EXT1: variants seen among roughly 807,000 people sequenced by gnomAD.
EXT1 encodes the protein exostosin-1.
Under a neutral mutation model 82.5 loss-of-function variants are expected in EXT1, and 20 were observed. The ratio of observed to expected loss-of-function variants is 0.24; its 90% CI spans 0.17 to 0.35. The LOEUF is 0.35. Among genes scored for constraint, EXT1 ranks in the 10% least tolerant of loss-of-function variants. The pLI, the probability that EXT1 is intolerant of heterozygous loss-of-function variation, is 1.00. For synonymous variants in EXT1, 348 were observed against 350.8 expected (o/e 0.99, Z 0.09); for missense variants, 757 against 936.5 (o/e 0.81, Z 2.50).
At chr8:118,030,619 T>A (rs1036522470) in intron 1 of EXT1, among the ~76,000 whole-genome samples, 2 of 152,154 alleles carry the variant, frequency 1.3e-5, no homozygotes, top group Non-Finnish European at 2.9e-5. Flanking sequence ...ATAGCTGGGA[T>A]TACAGGGATG....
intron 1 of EXT1, among the ~76,000 whole-genome samples, chr8:118,015,650 G>A (rs904230957): frequency 6.6e-6 from 1 of 152,020 alleles, no homozygotes; most frequent in African/African-American, 2.4e-5. Flanking sequence ...TAGAAAAGAC[G>A]GCATCTAAAC....
intron 1 of EXT1, among the ~76,000 whole-genome samples, chr8:117,932,994 C>T (rs1025213364): frequency 6.6e-6 from 1 of 152,070 alleles, no homozygotes; most frequent in South Asian, 2.1e-4. Context: ...CATACTGGCC[C>T]CCTTCTGTTC....
intron 1 of EXT1, among the ~76,000 whole-genome samples, chr8:118,070,628 T>C (rs1817073175): frequency 1.3e-5 from 2 of 151,994 alleles, no homozygotes; most frequent in Admixed American, 1.3e-4. Flanking sequence ...ACTTTAGGAG[T>C]TAAGACCAAA....
chr8:117,955,782 C>A (rs1302305401), intron 1 of EXT1, among the ~76,000 whole-genome samples: 1 of 152,168 alleles, frequency 6.6e-6, no homozygotes, highest in Non-Finnish European at 1.5e-5. Context: ...GTCTCTAACT[C>A]CTGGCCTGAA....
intron 1 of EXT1, among the ~76,000 whole-genome samples, chr8:117,962,815 A>G (rs1814730068): frequency 6.9e-6 from 1 of 144,604 alleles, no homozygotes; most frequent in Non-Finnish European, 1.5e-5. Context: ...AGTCCCATCT[A>G]ATCTAGAGGC....
chr8:117,969,516 T>C (rs950304749), intron 1 of EXT1, among the ~76,000 whole-genome samples: 1 of 152,220 alleles, frequency 6.6e-6, no homozygotes, highest in African/African-American at 2.4e-5. Flanking sequence ...TTTAAGGCTA[T>C]TGTGAAACTA....
In EXT1 at chr8:117,871,035, G is replaced by C. The variant is rs140175996; in HGVS notation, c.963-33834C>G. On this transcript the variant is annotated intron_variant, in intron 1 of 10. Coordinates refer to ENST00000378204, the MANE Select transcript of EXT1 (RefSeq NM_000127.3). The stretch of plus-strand genomic sequence containing the variant: ...TGTAACTGGGAAAAAAATGTAAAAA[G>C]GGCTGATCTCTAACTCCAAGTCCTG... 1.9e-3 allele frequency among the ~76,000 whole-genome samples: 290 copies of C among 152,206 alleles called. 5 individuals carry two copies. The East Asian group carries it at 0.043, about 23-fold the overall frequency.
chr8:117,857,739 G>A (rs1812591414), intron 1 of EXT1, among the ~76,000 whole-genome samples: 1 of 152,116 alleles, frequency 6.6e-6, no homozygotes, highest in African/African-American at 2.4e-5. Flanking sequence ...TTCAAGTATT[G>A]TTATTTTAAA....
intron 1 of EXT1, among the ~76,000 whole-genome samples, chr8:118,014,572 C>A (rs1815967051): frequency 1.3e-5 from 2 of 152,136 alleles, no homozygotes; most frequent in African/African-American, 4.8e-5. Context: ...GGAGCTGGAC[C>A]CAGAAAGCAT....
chr8:117,850,920 G>T (rs1287529621), intron 1 of EXT1, among the ~76,000 whole-genome samples: 1 of 152,014 alleles, frequency 6.6e-6, no homozygotes. Context: ...AAGACCAAAT[G>T]GTCATATATC....
intron 1 of EXT1, among the ~76,000 whole-genome samples, chr8:118,051,181 T>TA (rs1037094725): frequency 1.3e-5 from 2 of 151,748 alleles, no homozygotes; most frequent in Admixed American, 6.6e-5. Context: ...ACCAAAAATA[T>TA]AAAAAATTGA....
intron 1 of EXT1, among the ~76,000 whole-genome samples, chr8:118,013,374 A>G (rs1354067645): frequency 6.6e-6 from 1 of 151,944 alleles, no homozygotes; most frequent in Non-Finnish European, 1.5e-5. Context: ...GCGCCCAACT[A>G]ATTTTTGTAT....
chr8:118,063,683 C>A (rs1816925129), intron 1 of EXT1, among the ~76,000 whole-genome samples: 1 of 152,192 alleles, frequency 6.6e-6, no homozygotes, highest in Non-Finnish European at 1.5e-5. Context: ...ATATTAGCTA[C>A]CATCCTTGCT....
chr8:117,942,050 A>G (rs899023006), intron 1 of EXT1, among the ~76,000 whole-genome samples: 1 of 152,132 alleles, frequency 6.6e-6, no homozygotes, highest in African/African-American at 2.4e-5. Flanking sequence ...AACACTGATG[A>G]CCTTCCCATC....
At chr8:117,868,748 G>A (rs1299711744) in intron 1 of EXT1, among the ~76,000 whole-genome samples, 3 of 152,014 alleles carry the variant, frequency 2.0e-5, no homozygotes, top group Non-Finnish European at 2.9e-5. Flanking sequence ...AGTCAGTGCC[G>A]GTAGTATCTG....
At chr8:117,997,152 G>A (rs1815553704) in intron 1 of EXT1, among the ~76,000 whole-genome samples, 2 of 151,852 alleles carry the variant, frequency 1.3e-5, no homozygotes, top group African/African-American at 4.8e-5. Context: ...AGGGAAGAGG[G>A]AGAGTCTTCT....
Position 117,990,188 on chromosome 8 carries a change from G to A in EXT1, c.962+119897C>T, listed in dbSNP as rs557776368. 1.1e-3 allele frequency among the ~76,000 whole-genome samples: 165 copies of A among 152,082 alleles called. 3 individuals carry two copies. Among genetic ancestry groups the A allele is most frequent in the Admixed American group, 0.011 (164 of 15,282 alleles). On this transcript the variant is annotated intron_variant, in intron 1 of 10. Transcript: ENST00000378204. ...ACTCCGCCTAAAAAAAAAGAGAAAA[G>A]AAGAAAAGAACCCAGACTGGGTCTC... is the stretch of plus-strand genomic sequence containing the variant.
intron 1 of EXT1, among the ~76,000 whole-genome samples, chr8:118,078,929 A>T (rs9297575): frequency 6.6e-6 from 1 of 152,040 alleles, no homozygotes; most frequent in Non-Finnish European, 1.5e-5. Context: ...GTGCAAAAAA[A>T]GTGCTGCAAA....
intron 1 of EXT1, among the ~76,000 whole-genome samples, chr8:117,977,189 C>T (rs1480568311): frequency 6.6e-6 from 1 of 151,996 alleles, no homozygotes; most frequent in East Asian, 1.9e-4. Context: ...GAGTTTGAGA[C>T]CAGCCTGGCT....
Sources: allele counts gnomAD v4.1 joint callset (sites outside exome capture counted in the v4.1 genomes callset), GRCh38; gene constraint gnomAD v4.1.1; transcripts MANE v1.5; gene names NCBI Gene and HGNC (gene_info 2026-07-23, HGNC 2026-07-21).